The following CNTN5 variants were observed in gnomAD, a reference collection of about 807,000 sequenced individuals.
CNTN5 encodes contactin 5, also known as contactin-5.
A neutral mutation model predicts 129.1 loss-of-function variants in CNTN5; 77 were observed. That is an observed-to-expected ratio of 0.60 (90% CI 0.50 to 0.72). The LOEUF is 0.72. Among genes scored for constraint, CNTN5 ranks in the 30% least tolerant of loss-of-function variants. CNTN5 has a pLI of 0.00. For synonymous variants in CNTN5, 509 were observed against 465.6 expected (o/e 1.09, Z -1.20); for missense variants, 1,478 against 1,328.8 (o/e 1.11, Z -1.75).
chr11:100,264,416 G>A (rs893221127), intron 17 of CNTN5, among the ~76,000 whole-genome samples: 1 of 152,010 alleles, frequency 6.6e-6, no homozygotes, highest in Non-Finnish European at 1.5e-5. Flanking sequence ...AGTATGTGTT[G>A]TTTCTCTCCC....
rs1490512539 is a variant in CNTN5 at position 100,100,691 on chromosome 11, T to C, written c.1580+26397T>C. ...AGGAAAATGTTATAAAAAGAAAAAGTATTTCAGACGTCTTCTTGGCTCGTA... is the reference window on the plus strand; with the variant it reads ...AGGAAAATGTTATAAAAAGAAAAAGCATTTCAGACGTCTTCTTGGCTCGTA... On this transcript the variant is annotated intron_variant, in intron 13 of 24. Coordinates refer to ENST00000524871, the MANE Select transcript of CNTN5 (RefSeq NM_014361.4). 1.4e-4 allele frequency among the ~76,000 whole-genome samples: 21 copies of C among 152,104 alleles called. 1 individual carries two copies. The highest frequency in any genetic ancestry group is 1.4e-3 in the Admixed American group (21 of 15,244).
chr11:99,623,003 G>A (rs1428655771), intron 3 of CNTN5, among the ~76,000 whole-genome samples: 2 of 151,910 alleles, frequency 1.3e-5, no homozygotes, highest in Non-Finnish European at 2.9e-5. Context: ...AAAAATCCTC[G>A]GGCTTCTCTT....
At chr11:99,069,026 G>T (rs1940486) in intron 1 of CNTN5, among the ~76,000 whole-genome samples, 12,804 of 152,016 alleles carry the variant, frequency 0.084, 1,152 homozygotes, top group East Asian at 0.46. Flanking sequence ...CATGGTGGTT[G>T]GCGATGACTC....
chr11:99,704,791 A>C (rs1201162811), intron 3 of CNTN5, among the ~76,000 whole-genome samples: 4 of 151,284 alleles, frequency 2.6e-5, no homozygotes, highest in African/African-American at 9.7e-5. Flanking sequence ...AAAAATGAGG[A>C]GTAAAAAAAT....
At chr11:99,356,940 A>G (rs1185688961) in intron 2 of CNTN5, among the ~76,000 whole-genome samples, 1 of 133,008 alleles carries the variant, frequency 7.5e-6, no homozygotes, top group Non-Finnish European at 1.7e-5. Flanking sequence ...TCAGTGAAAA[A>G]CATGTGTATA....
At chr11:100,064,807 G>A (rs1943632085) in intron 10 of CNTN5, among the ~76,000 whole-genome samples, 1 of 152,054 alleles carries the variant, frequency 6.6e-6, no homozygotes. Context: ...ATGACAAAAT[G>A]ACAAAAGAAA....
At chr11:100,134,507 G>A (rs1035806563) in intron 13 of CNTN5, among the ~76,000 whole-genome samples, 5 of 152,130 alleles carry the variant, frequency 3.3e-5, no homozygotes, top group African/African-American at 1.2e-4. Flanking sequence ...CCTAATAAAT[G>A]ATAAACTGGA....
intron 12 of CNTN5, among the ~76,000 whole-genome samples, chr11:100,072,403 A>G (rs771736836): frequency 6.6e-6 from 1 of 152,202 alleles, no homozygotes; most frequent in Non-Finnish European, 1.5e-5. Context: ...CAGGCACTGC[A>G]TTTCTTCACT....
chr11:99,996,989 C>T (rs997956409), intron 8 of CNTN5, among the ~76,000 whole-genome samples: 3 of 152,130 alleles, frequency 2.0e-5, no homozygotes, highest in African/African-American at 7.2e-5. Context: ...CAAACCATAT[C>T]ATTCTACCCC....
At chr11:100,021,670 A>G (rs1309264616) in intron 9 of CNTN5, among the ~76,000 whole-genome samples, 2 of 149,730 alleles carry the variant, frequency 1.3e-5, no homozygotes, top group Non-Finnish European at 2.9e-5. Flanking sequence ...GGATGTATGT[A>G]TATATGAAAG....
intron 13 of CNTN5, among the ~76,000 whole-genome samples, chr11:100,088,141 C>T (rs1024944972): frequency 3.3e-5 from 5 of 151,330 alleles, no homozygotes; most frequent in Admixed American, 2.0e-4. Flanking sequence ...ACATTATCAC[C>T]AATCACACAG....
rs188628831 is a variant in CNTN5 at position 99,634,987 on chromosome 11, C to G, written c.55+78718C>G. On this transcript the variant is annotated intron_variant, in intron 3 of 24. Transcript: ENST00000524871. The stretch of plus-strand genomic sequence containing the variant: ...AAATAGGAAATAGATAAATAGAAGA[C>G]AAAATATATACTAATATCTGTATAC... Among the ~76,000 whole-genome samples the G allele has an allele frequency of 1.1e-3, 174 of 152,226 alleles. 1 individual carries two copies. Among genetic ancestry groups the G allele is most frequent in the Non-Finnish European group, 6.0e-4 (41 of 68,022 alleles).
At chr11:99,121,474 A>G (rs916025521) in intron 1 of CNTN5, among the ~76,000 whole-genome samples, 8 of 152,172 alleles carry the variant, frequency 5.3e-5, no homozygotes, top group African/African-American at 1.4e-4. Flanking sequence ...AACAACACAA[A>G]GACACATCCT....
intron 1 of CNTN5, among the ~76,000 whole-genome samples, chr11:99,081,225 A>C (rs1334318810): frequency 6.6e-6 from 1 of 152,166 alleles, no homozygotes; most frequent in East Asian, 1.9e-4. Flanking sequence ...TTTTCAAAGA[A>C]ATAAATCCCT....
chr11:99,120,064 TC>T (rs1295007666), intron 1 of CNTN5: 1 of 152,150 alleles, frequency 6.6e-6, no homozygotes, highest in African/African-American at 2.4e-5. Flanking sequence ...TTTCTTCCAT[TC>T]TTTAGGTTGT....
intron 8 of CNTN5, among the ~76,000 whole-genome samples, chr11:99,961,695 G>A (rs1468608341): frequency 6.6e-6 from 1 of 152,182 alleles, no homozygotes; most frequent in Non-Finnish European, 1.5e-5. Context: ...AAAGTCCAAA[G>A]ACTCATCTCT....
At chr11:99,168,774 G>A (rs1443107114) in intron 1 of CNTN5, among the ~76,000 whole-genome samples, 1 of 152,038 alleles carries the variant, frequency 6.6e-6, no homozygotes. Flanking sequence ...ATTAAAATGT[G>A]GCAACTATTA....
chr11:99,799,063 T>A (rs757728728), intron 3 of CNTN5, among the ~76,000 whole-genome samples: 1 of 152,092 alleles, frequency 6.6e-6, no homozygotes, highest in African/African-American at 2.4e-5. Context: ...TGGTCTTAGC[T>A]TGACTGTTAT....
At position 100,012,557 on chromosome 11, in the gene CNTN5, CT is replaced by C. The variant is rs1242735920; in HGVS notation, c.980+10425del. ...AAGTTAACTGGCATCATATTTCCAG[CT>C]TTTCCACGGCTGCCCTAGAACTAGT... On this transcript the variant is annotated intron_variant, in intron 9 of 24. Transcript: ENST00000524871. 4.6e-5 allele frequency among the ~76,000 whole-genome samples: 7 copies of C among 152,132 alleles called. No homozygotes were observed. The South Asian group carries it at 6.2e-4, about 13-fold the overall frequency.
Sources: gnomAD v4.1 joint callset for allele counts (sites outside exome capture counted in the v4.1 genomes callset) on GRCh38, gnomAD v4.1.1 for gene constraint, MANE v1.5 for transcripts, NCBI Gene and HGNC (gene_info 2026-07-23, HGNC 2026-07-21) for gene names.